Variants in TEX264 observed in about 807,000 individuals in gnomAD.
TEX264 encodes the protein testis expressed 264, ER-phagy receptor.
In TEX264, 13 loss-of-function variants were observed where a neutral mutation model predicts 23.4. That is an observed-to-expected ratio of 0.56 (90% CI 0.36 to 0.88). The LOEUF (loss-of-function observed/expected upper bound fraction) is 0.88, where lower values mean the gene tolerates loss of function less well. TEX264 is among the 40% of genes least tolerant of loss of function. The pLI, the probability that TEX264 is intolerant of heterozygous loss-of-function variation, is 0.01. For synonymous variants in TEX264, 159 were observed against 170.0 expected (o/e 0.94, Z 0.50); for missense variants, 340 against 406.8 (o/e 0.84, Z 1.41).
intron 3 of TEX264, among the ~76,000 whole-genome samples, chr3:51,692,774 G>C (rs1702873878): frequency 6.6e-6 from 1 of 152,260 alleles, no homozygotes; most frequent in Non-Finnish European, 1.5e-5. Flanking sequence ...TCATCTGGAA[G>C]GCTGTGGCTC....
chr3:51,700,561 C>T (rs1242055112), intron 4 of TEX264, among the ~76,000 whole-genome samples: 1 of 152,032 alleles, frequency 6.6e-6, no homozygotes, highest in African/African-American at 2.4e-5. Flanking sequence ...CTTCAGTGCC[C>T]CTACTGTGGG....
chr3:51,679,166 G>A (rs1702334878), intron 2 of TEX264, among the ~76,000 whole-genome samples: 1 of 152,164 alleles, frequency 6.6e-6, no homozygotes, highest in East Asian at 1.9e-4. Flanking sequence ...TGTGACTTTA[G>A]GTGAGTCACT....
intron 3 of TEX264, among the ~76,000 whole-genome samples, chr3:51,689,499 G>T (rs1004730607): frequency 6.6e-6 from 1 of 151,328 alleles, no homozygotes; most frequent in African/African-American, 2.4e-5. Flanking sequence ...AGAAAGTAAG[G>T]CAAGGACCCC....
chr3:51,693,981 CCTTT>C (rs1267313378), intron 3 of TEX264, among the ~76,000 whole-genome samples: 87 of 147,384 alleles, frequency 5.9e-4, no homozygotes, highest in South Asian at 1.3e-3. Context: ...TATTCTAATC[CCTTT>C]CTTTCCTTCC....
intron 3 of TEX264, among the ~76,000 whole-genome samples, chr3:51,688,575 G>T (rs1702708163): frequency 6.6e-6 from 1 of 152,158 alleles, no homozygotes; most frequent in Non-Finnish European, 1.5e-5. Flanking sequence ...GGAGTTTTTA[G>T]GGGGAGGGTC....
At chr3:51,697,465 C>T (rs1425764966) in intron 3 of TEX264, among the ~76,000 whole-genome samples, 2 of 152,250 alleles carry the variant, frequency 1.3e-5, no homozygotes, top group East Asian at 1.9e-4. Context: ...AGCCAAATGT[C>T]TGCTGCTCTT....
chr3:51,675,175 T>C (rs1702187949), intron 2 of TEX264, among the ~76,000 whole-genome samples: 1 of 152,192 alleles, frequency 6.6e-6, no homozygotes, highest in Non-Finnish European at 1.5e-5. Context: ...TTACTTAGAA[T>C]GTTCAGAATG....
chr3:51,679,865 A>C (rs1485632562), intron 2 of TEX264, among the ~76,000 whole-genome samples: 1 of 152,120 alleles, frequency 6.6e-6, no homozygotes, highest in Non-Finnish European at 1.5e-5. Flanking sequence ...CCTCTGGCCT[A>C]GCTGTCTGCA....
chr3:51,678,741 G>A (rs1702319021), intron 2 of TEX264, among the ~76,000 whole-genome samples: 1 of 152,210 alleles, frequency 6.6e-6, no homozygotes, highest in East Asian at 1.9e-4. Context: ...CCTCACAGAG[G>A]CTGGTGAGAG....
At chr3:51,671,951 G>C (rs1702060680) in intron 1 of TEX264, 1 of 152,278 alleles carries the variant, frequency 6.6e-6, no homozygotes, top group Non-Finnish European at 1.5e-5. Flanking sequence ...GGGGAGCCGA[G>C]GCTAGAGGGA....
chr3:51,694,081 G>GTCCTTCCT lies in TEX264; in HGVS notation c.481-5322_481-5321insTTCCTTCC, dbSNP rs1194968123. 5.6e-3 allele frequency among the ~76,000 whole-genome samples: 316 copies of GTCCTTCCT among 56,748 alleles called. 14 individuals carry two copies. Among genetic ancestry groups the GTCCTTCCT allele is most frequent in the South Asian group, 9.6e-3 (13 of 1,356 alleles). 37.2% of individuals were successfully genotyped at this position (56,748 alleles called of 152,430 possible). On this transcript the variant is annotated intron_variant, in intron 3 of 4. Transcript: ENST00000341333. ...CTTCCCTTCCCTTCCCCTTCCTTCC[G>GTCCTTCCT]TCCGTCCTTCCTTCCTTCCTTCCTT...
rs1364607131 is a variant in TEX264, at chr3:51,691,955, T to C, written c.480+7321T>C. 6.6e-6 allele frequency among the ~76,000 whole-genome samples: 1 copy of C among 152,210 alleles called. No individual in the cohort carries two copies. Among genetic ancestry groups the C allele is most frequent in the African/African-American group, 2.4e-5 (1 of 41,460 alleles). On this transcript the variant is annotated intron_variant, in intron 3 of 4. Transcript: ENST00000341333. The surrounding 1 kb of genome is among the most constrained non-coding windows in gnomAD (Gnocchi z 4.4). ...GGAGCTACCCTTGGGTATTGAGGTG[T>C]TGGGAGCCAGGCCTCTCCCCTTTGT...
chr3:51,684,337 C>A, intron 2 of TEX264, 76 bp from the exon 3 acceptor site: 1 of 1,369,586 alleles, frequency 7.3e-7, no homozygotes, highest in Non-Finnish European at 1.0e-6. Context: ...CCTGATCTGG[C>A]ACAGTCCCAG....
intron 3 of TEX264, among the ~76,000 whole-genome samples, chr3:51,689,800 C>G (rs1256025282): frequency 1.3e-5 from 2 of 152,332 alleles, no homozygotes; most frequent in East Asian, 3.9e-4. Flanking sequence ...ATGAGTGGAG[C>G]TGGGAGGCAC....
At chr3:51,674,208 G>T in intron 1 of TEX264, 63 bp from the exon 2 acceptor site, 5 of 1,557,016 alleles carry the variant, frequency 3.2e-6, no homozygotes, top group Non-Finnish European at 4.4e-6. Flanking sequence ...ACTGGTTGGC[G>T]GGCAAGTGGG....
Position 51,674,302 on chromosome 3 carries a change from G to C in TEX264, c.-3G>C, listed in dbSNP as rs1412674797. 6.2e-7 allele frequency: 1 copy of C among 1,614,146 alleles called. No homozygotes were observed. The stretch of plus-strand genomic sequence containing the variant: ...TGAGGTGCAGTGTTGGGGATCCAGA[G>C]CCATGTCGGACCTGCTACTACTGGG... On this transcript the variant is annotated 5_prime_UTR_variant, in exon 2 of 5. Transcript: ENST00000341333.
intron 1 of TEX264, among the ~76,000 whole-genome samples, chr3:51,673,445 C>T (rs1046155922): frequency 1.3e-5 from 2 of 152,210 alleles, no homozygotes; most frequent in Admixed American, 6.5e-5. Flanking sequence ...TTCTTTTCCT[C>T]TTAGGGATAA....
intron 2 of TEX264, among the ~76,000 whole-genome samples, chr3:51,674,795 C>A (rs1702177913): frequency 6.6e-6 from 1 of 152,238 alleles, no homozygotes; most frequent in Non-Finnish European, 1.5e-5. Context: ...CCCATGGCTA[C>A]TTGTGGATTT....
intron 1 of TEX264, 94 bp from the exon 2 acceptor site, chr3:51,674,177 G>T (rs1702150622): frequency 8.8e-6 from 12 of 1,370,938 alleles, no homozygotes; most frequent in Non-Finnish European, 9.1e-6. Context: ...CCCAAGGCAG[G>T]TCTGAGGAGG....
Sources: allele counts gnomAD v4.1 joint callset (sites outside exome capture counted in the v4.1 genomes callset), GRCh38; gene constraint gnomAD v4.1.1; non-coding constraint Gnocchi (gnomAD v3.1); transcripts MANE v1.5; gene names NCBI Gene and HGNC (gene_info 2026-07-23, HGNC 2026-07-21).